The following CCDC33 variants were observed in gnomAD, a reference collection of about 807,000 sequenced individuals.
CCDC33 encodes the protein coiled-coil domain-containing protein 33.
A neutral mutation model predicts 91.9 loss-of-function variants in CCDC33; 94 were observed. The ratio of observed to expected loss-of-function variants is 1.02; its 90% CI spans 0.87 to 1.21. The LOEUF is 1.21. Among genes scored for constraint, CCDC33 ranks in the 50% most tolerant of loss-of-function variants. The probability of loss-of-function intolerance (pLI) is 0.00; values close to 1 mark genes in which losing one functional copy is unlikely to be tolerated. For missense variants in CCDC33, 940 were observed against 935.5 expected (o/e 1.00, Z -0.06); for synonymous variants, 396 against 374.5 (o/e 1.06, Z -0.66).
chr15:74,298,117 T>C (rs149258092), intron 11 of CCDC33, among the ~76,000 whole-genome samples: 43 of 152,352 alleles, frequency 2.8e-4, no homozygotes, highest in African/African-American at 1.0e-3. Context: ...ATCCAAGGTC[T>C]GAACTGAGGT....
At chr15:74,225,701 G>A (rs146320176) in intron 2 of CCDC33, among the ~76,000 whole-genome samples, 129 of 152,272 alleles carry the variant, frequency 8.5e-4, no homozygotes, top group African/African-American at 2.8e-3. Context: ...AAAGGGACTT[G>A]GGGACATGGC....
chr15:74,334,914 G>T, intron 17 of CCDC33, 61 bp from the exon 18 acceptor site: 1 of 1,360,550 alleles, frequency 7.3e-7, no homozygotes, highest in Non-Finnish European at 1.1e-6. Context: ...TGGTTGTCCT[G>T]GCCATCAGGG....
chr15:74,237,748 T>G (rs1474558334), intron 1 of CCDC33, among the ~76,000 whole-genome samples: 1 of 152,178 alleles, frequency 6.6e-6, no homozygotes, highest in Non-Finnish European at 1.5e-5. Context: ...GAGCTGGATT[T>G]GGGGATCTGG....
At chr15:74,241,287 C>T (rs62003670) in intron 1 of CCDC33, among the ~76,000 whole-genome samples, 41,763 of 152,064 alleles carry the variant, frequency 0.27, 6,188 homozygotes, top group East Asian at 0.54. Flanking sequence ...TGTATTCTCA[C>T]CTCCTAATTA....
chr15:74,257,429 T>C (rs954212103), intron 2 of CCDC33, among the ~76,000 whole-genome samples: 8 of 152,168 alleles, frequency 5.3e-5, no homozygotes, highest in Non-Finnish European at 5.9e-5. Flanking sequence ...TCTCAGCTCC[T>C]CCTTTGAGGA....
chr15:74,223,829 A>G (rs1236913944), intron 2 of CCDC33, among the ~76,000 whole-genome samples: 2 of 124,720 alleles, frequency 1.6e-5, no homozygotes, highest in African/African-American at 5.2e-5. Flanking sequence ...ACATTTCTCC[A>G]TCAATTTACA....
chr15:74,268,677 T>C (rs892710732), intron 5 of CCDC33, among the ~76,000 whole-genome samples: 1 of 152,228 alleles, frequency 6.6e-6, no homozygotes, highest in African/African-American at 2.4e-5. Context: ...TGCTCAAGCC[T>C]CTTCTCCTTC....
rs1249807409 is a variant in CCDC33 at position 74,209,292 on chromosome 15, C to A, written n.90-96C>A. 9.4e-6 allele frequency: 13 copies of A among 1,389,790 alleles called. No homozygotes were observed. In the East Asian group the frequency reaches 3.2e-4, roughly 35 times the overall value. The allele number at this position is 1,389,790 out of a possible 1,614,324, so 86.1% of individuals were successfully genotyped here. On this transcript the variant is annotated intron_variant and non_coding_transcript_variant, in intron 1 of 3. Coordinates refer to the CCDC33 transcript ENST00000558645. ...AGAGTCACCTCAGTGGAGAAGCCTG[C>A]ACAGGGCTTTGATGGCTGAGTTTCC...
Position 74,323,645 on chromosome 15 carries a change from G to T in CCDC33, c.1291-6544G>T, listed in dbSNP as rs1485582386. ...CGGGTTCAAGTGATTCTCAGGCCTC[G>T]GCCTGCCAAGTAGCTGGGATTACAG... On this transcript the variant is annotated intron_variant, in intron 11 of 18. Transcript: ENST00000398814. 5.9e-5 allele frequency among the ~76,000 whole-genome samples: 9 copies of T among 152,020 alleles called. 2 individuals carry two copies. The highest frequency in any genetic ancestry group is 5.2e-4 in the Admixed American group (8 of 15,280).
At chr15:74,310,707 C>T (rs1196132032) in intron 11 of CCDC33, among the ~76,000 whole-genome samples, 2 of 152,158 alleles carry the variant, frequency 1.3e-5, no homozygotes, top group African/African-American at 4.8e-5. Context: ...GGTCTGGGCC[C>T]TGGATTTCCA....
chr15:74,307,975 T>G (rs1421145080), intron 11 of CCDC33, among the ~76,000 whole-genome samples: 1 of 144,022 alleles, frequency 6.9e-6, no homozygotes, highest in Non-Finnish European at 1.5e-5. Flanking sequence ...CTCTCTCGAG[T>G]GCATAAGGGT....
chr15:74,250,185 A>G (rs1172517030), intron 2 of CCDC33, among the ~76,000 whole-genome samples: 2 of 151,904 alleles, frequency 1.3e-5, no homozygotes, highest in Non-Finnish European at 2.9e-5. Context: ...TATTTCTCCA[A>G]CTGCTCTTGG....
chr15:74,214,058 G>A (rs1417627881), upstream of CCDC33, among the ~76,000 whole-genome samples: 1 of 152,052 alleles, frequency 6.6e-6, no homozygotes, highest in Admixed American at 6.6e-5. Context: ...AGGAAGTAAA[G>A]TGGGGGTGGG....
At chr15:74,253,631 A>T (rs945759876) in intron 2 of CCDC33, among the ~76,000 whole-genome samples, 3 of 152,142 alleles carry the variant, frequency 2.0e-5, no homozygotes, top group Non-Finnish European at 4.4e-5. Context: ...TGCTTAGGGG[A>T]TGTGCCACAC....
intron 11 of CCDC33, among the ~76,000 whole-genome samples, chr15:74,317,512 G>A (rs1276002723): frequency 6.6e-6 from 1 of 152,254 alleles, no homozygotes; most frequent in Non-Finnish European, 1.5e-5. Flanking sequence ...AGCAGCAGGG[G>A]TGGAGATTTT....
chr15:74,280,042 G>C lies in CCDC33; in HGVS notation c.839G>C (p.Ser280Thr). ...FLFQGRDGAT[S>T]FSEDTALVLE... is the part of the protein sequence containing the mutation. ...TTCCAAGGCCGAGATGGAGCTACCA[G>C]CTTCTCAGAAGACACAGCCCTGGTG... Residue 280 changes from serine (S) to threonine (T), a missense_variant, in exon 8 of 19, where the codon AGC (serine) becomes ACC (threonine). Coordinates refer to ENST00000398814, the MANE Select transcript of CCDC33 (RefSeq NM_025055.5). 1 of 1,614,190 alleles carries C rather than the reference G, an allele frequency of 6.2e-7. No homozygotes were observed. Among genetic ancestry groups the C allele is most frequent in the Non-Finnish European group, 8.5e-7 (1 of 1,180,040 alleles).
chr15:74,218,361 C>G lies in CCDC33; in HGVS notation c.311-136C>G. 1 of 949,750 alleles carries G rather than the reference C, an allele frequency of 1.1e-6. No individual in the cohort carries two copies. Among genetic ancestry groups the G allele is most frequent in the African/African-American group, 1.7e-5 (1 of 57,816 alleles). 58.8% of individuals were successfully genotyped at this position (949,750 alleles called of 1,614,324 possible). Reference sequence around the variant, plus strand: ...GGAGGGAGTCGCCTACCAGGGAAATCTTAGCCAAGACTGCTTGGCTTTGAC... The same window carrying G: ...GGAGGGAGTCGCCTACCAGGGAAATGTTAGCCAAGACTGCTTGGCTTTGAC... On this transcript the variant is annotated intron_variant, in intron 1 of 2. Coordinates refer to the CCDC33 transcript ENST00000635913. The surrounding 1 kb of genome is among the most constrained non-coding windows in gnomAD (Gnocchi z 4.8).
intron 10 of CCDC33, among the ~76,000 whole-genome samples, chr15:74,286,475 CA>C (rs1447637916): frequency 6.6e-6 from 1 of 152,138 alleles, no homozygotes. Flanking sequence ...CTCCAGCTTG[CA>C]GCCAGCCTCT....
Position 74,331,197 on chromosome 15 carries a change from C to T in CCDC33, c.1678-6C>T, listed in dbSNP as rs926501762. 3 of 1,614,188 alleles carry T rather than the reference C, an allele frequency of 1.9e-6. No individual in the cohort carries two copies. Among genetic ancestry groups the T allele is most frequent in the Non-Finnish European group, 2.5e-6 (3 of 1,180,020 alleles). ...GGGCCAGCCCAGCCTCTGCTCTGCTCTCCAGGTGATCGAGAAGATGGAGCG... is the reference window on the plus strand; with the variant it reads ...GGGCCAGCCCAGCCTCTGCTCTGCTTTCCAGGTGATCGAGAAGATGGAGCG... On this transcript the variant is annotated splice_polypyrimidine_tract_variant and splice_region_variant and intron_variant, in intron 14 of 18. Transcript: ENST00000398814.
Sources: gnomAD v4.1 joint callset for allele counts (sites outside exome capture counted in the v4.1 genomes callset) on GRCh38, gnomAD v4.1.1 for gene constraint, Gnocchi (gnomAD v3.1) non-coding constraint, MANE v1.5 for transcripts, NCBI Gene and HGNC (gene_info 2026-07-23, HGNC 2026-07-21) for gene names.